Variants in DSCAM observed in about 807,000 individuals in gnomAD.
DSCAM encodes the protein cell adhesion molecule DSCAM.
A neutral mutation model predicts 217.7 loss-of-function variants in DSCAM; 47 were observed. The ratio of observed to expected loss-of-function variants is 0.22; its 90% confidence interval spans 0.17 to 0.28. DSCAM has a LOEUF of 0.28. Ranked by LOEUF, DSCAM falls within the 10% of genes least tolerant of loss-of-function variation. The pLI is 1.00. For missense variants in DSCAM, 2,080 were observed against 2,618.3 expected (o/e 0.79, Z 4.49); for synonymous variants, 1,056 against 1,015.3 (o/e 1.04, Z -0.76).
At chr21:40,620,833 C>T (rs1450318142) in intron 3 of DSCAM, among the ~76,000 whole-genome samples, 2 of 152,234 alleles carry the variant, frequency 1.3e-5, no homozygotes, top group African/African-American at 4.8e-5. Context: ...TGTCCCATCA[C>T]TAAAAACAAC....
At chr21:40,464,685 A>G (rs1250395856) in intron 3 of DSCAM, among the ~76,000 whole-genome samples, 2 of 150,994 alleles carry the variant, frequency 1.3e-5, no homozygotes, top group East Asian at 3.9e-4. Context: ...TCCCAAGTGC[A>G]CCTGGATTCT....
At chr21:40,217,283 T>C (rs2091252275) in intron 11 of DSCAM, among the ~76,000 whole-genome samples, 1 of 152,244 alleles carries the variant, frequency 6.6e-6, no homozygotes, top group African/African-American at 2.4e-5. Context: ...ATATCATTCA[T>C]AATTGTAATA....
chr21:40,788,844 C>T (rs1569036938), intron 1 of DSCAM, among the ~76,000 whole-genome samples: 1 of 152,300 alleles, frequency 6.6e-6, no homozygotes, highest in East Asian at 1.9e-4. Flanking sequence ...CAGCAATAAT[C>T]AATCACAAAG....
chr21:40,543,278 TC>T (rs2076555967), intron 3 of DSCAM, among the ~76,000 whole-genome samples: 1 of 152,188 alleles, frequency 6.6e-6, no homozygotes, highest in Admixed American at 6.5e-5. Context: ...TCCTAGGAAG[TC>T]CTGCCATTTC....
chr21:40,294,244 T>C (rs1040317380), intron 10 of DSCAM, among the ~76,000 whole-genome samples: 4 of 152,084 alleles, frequency 2.6e-5, no homozygotes, highest in African/African-American at 9.7e-5. Context: ...CACTTCCAAA[T>C]AAATAAGACA....
intron 15 of DSCAM, among the ~76,000 whole-genome samples, chr21:40,171,680 C>T (rs1471237416): frequency 9.2e-5 from 14 of 151,464 alleles, no homozygotes; most frequent in Non-Finnish European, 2.1e-4. Flanking sequence ...TTTTTGTTTG[C>T]TTGTGTTTTA....
At chr21:40,692,581 C>T (rs3804025) in intron 3 of DSCAM, among the ~76,000 whole-genome samples, 4,962 of 152,240 alleles carry the variant, frequency 0.033, 115 homozygotes, top group East Asian at 0.11. Context: ...GTTACAGTGC[C>T]GGTAACTAAT....
intron 3 of DSCAM, among the ~76,000 whole-genome samples, chr21:40,484,581 T>C (rs772431549): frequency 2.6e-5 from 4 of 151,762 alleles, no homozygotes; most frequent in Non-Finnish European, 4.4e-5. Context: ...ATGAAACTCA[T>C]GATTTTATCA....
At position 40,016,783 on chromosome 21, in the gene DSCAM, A is replaced by G. The variant is rs1328333285; in HGVS notation, c.5687-3397T>C. 6.6e-6 allele frequency among the ~76,000 whole-genome samples: 1 copy of G among 152,210 alleles called. No individual in the cohort carries two copies. Among genetic ancestry groups the G allele is most frequent in the African/African-American group, 2.4e-5 (1 of 41,448 alleles). On this transcript the variant is annotated intron_variant, in intron 32 of 32. Coordinates refer to ENST00000400454, the MANE Select transcript of DSCAM (RefSeq NM_001389.5). The surrounding 1 kb of genome is among the most constrained non-coding windows in gnomAD (Gnocchi z 4.3). ...GCCTGAACCTTAGGAAACACCTTCA[A>G]GTTTACCCACAGAAAAAGAACAACC...
chr21:40,625,253 A>G (rs780169544), intron 3 of DSCAM, among the ~76,000 whole-genome samples: 2 of 152,234 alleles, frequency 1.3e-5, no homozygotes, highest in Non-Finnish European at 2.9e-5. Context: ...CATGGAGACT[A>G]ACTGTCCACA....
At chr21:40,828,098 G>A (rs565777574) in intron 1 of DSCAM, among the ~76,000 whole-genome samples, 9 of 152,090 alleles carry the variant, frequency 5.9e-5, no homozygotes, top group Non-Finnish European at 1.2e-4. Flanking sequence ...GGGAAGTTGA[G>A]GCTGAGATAA....
chr21:40,315,591 T>C (rs1036365554), intron 8 of DSCAM, among the ~76,000 whole-genome samples: 5 of 152,102 alleles, frequency 3.3e-5, no homozygotes, highest in Non-Finnish European at 7.4e-5. Flanking sequence ...AAACCCTGTG[T>C]TTTCTATAAT....
At chr21:40,585,842 T>G (rs1364949451) in intron 3 of DSCAM, among the ~76,000 whole-genome samples, 3 of 152,180 alleles carry the variant, frequency 2.0e-5, no homozygotes, top group Non-Finnish European at 2.9e-5. Context: ...CCTGGCACCT[T>G]CCCTGTGCTC....
intron 3 of DSCAM, among the ~76,000 whole-genome samples, chr21:40,666,767 A>G (rs8127441): frequency 0.38 from 58,244 of 152,078 alleles, 11,737 homozygotes; most frequent in Non-Finnish European, 0.45. Flanking sequence ...GACAACAATG[A>G]CATAAAAATG....
chr21:40,830,784 A>G (rs1442879496), intron 1 of DSCAM, among the ~76,000 whole-genome samples: 2 of 152,256 alleles, frequency 1.3e-5, no homozygotes, highest in African/African-American at 4.8e-5. Context: ...TAAGAGCTCA[A>G]TGAATATTAG....
chr21:40,363,179 C>T (rs1177586966), intron 4 of DSCAM, among the ~76,000 whole-genome samples: 2 of 150,646 alleles, frequency 1.3e-5, no homozygotes, highest in African/African-American at 4.9e-5. Flanking sequence ...CTCATCACTT[C>T]TGGGACTTCT....
intron 19 of DSCAM, 81 bp from the exon 20 acceptor site, chr21:40,124,409 C>A: frequency 6.4e-7 from 1 of 1,561,358 alleles, no homozygotes; most frequent in Non-Finnish European, 8.7e-7. Flanking sequence ...TGACCCCACT[C>A]CGCACTTACT....
At chr21:40,472,383 T>A (rs1017010503) in intron 3 of DSCAM, among the ~76,000 whole-genome samples, 1 of 152,164 alleles carries the variant, frequency 6.6e-6, no homozygotes, top group African/African-American at 2.4e-5. Flanking sequence ...TTGAAAGCAA[T>A]CCAGAAGCAA....
chr21:40,519,885 C>G (rs529127635), intron 3 of DSCAM, among the ~76,000 whole-genome samples: 74 of 151,838 alleles, frequency 4.9e-4, no homozygotes, highest in African/African-American at 1.6e-3. Flanking sequence ...TGTGTCCATA[C>G]ACATATAAAA....
Sources: gnomAD v4.1 joint callset for allele counts (sites outside exome capture counted in the v4.1 genomes callset) on GRCh38, gnomAD v4.1.1 for gene constraint, Gnocchi (gnomAD v3.1) non-coding constraint, MANE v1.5 for transcripts, NCBI Gene and HGNC (gene_info 2026-07-23, HGNC 2026-07-21) for gene names.